Variants in UBR2 observed in about 807,000 individuals in gnomAD.
The protein encoded by UBR2 is E3 ubiquitin-protein ligase UBR2.
A neutral mutation model predicts 247.9 loss-of-function variants in UBR2; 92 were observed. That is an observed-to-expected ratio of 0.37 (90% CI 0.31 to 0.44). UBR2 has a LOEUF of 0.44. Among genes scored for constraint, UBR2 ranks in the 20% least tolerant of loss-of-function variants. The probability of loss-of-function intolerance (pLI) is 1.00; values close to 1 mark genes in which losing one functional copy is unlikely to be tolerated. For synonymous variants in UBR2, 672 were observed against 693.5 expected (o/e 0.97, Z 0.49); for missense variants, 1,613 against 2,112.6 (o/e 0.76, Z 4.64).
At chr6:42,653,953 C>T (rs1797279600) in intron 25 of UBR2, among the ~76,000 whole-genome samples, 1 of 152,050 alleles carries the variant, frequency 6.6e-6, no homozygotes, top group Non-Finnish European at 1.5e-5. Flanking sequence ...TTGTAATCCT[C>T]AGAACTCTAG....
At chr6:42,614,092 G>C (rs1207453756) in intron 8 of UBR2, among the ~76,000 whole-genome samples, 2 of 148,174 alleles carry the variant, frequency 1.3e-5, no homozygotes, top group African/African-American at 5.0e-5. Flanking sequence ...CACAGGAATT[G>C]CGTGAACCCA....
chr6:42,618,791 G>T (rs369068314), intron 11 of UBR2, among the ~76,000 whole-genome samples: 2 of 152,208 alleles, frequency 1.3e-5, no homozygotes, highest in Non-Finnish European at 2.9e-5. Context: ...AATCATGGGG[G>T]ATATTTTTAG....
At chr6:42,609,496 C>T (rs1359560487) in intron 7 of UBR2, among the ~76,000 whole-genome samples, 1 of 151,608 alleles carries the variant, frequency 6.6e-6, no homozygotes, top group Non-Finnish European at 1.5e-5. Context: ...AGACCATATA[C>T]AAAAACTTAC....
chr6:42,647,215 C>A (rs958784232), intron 21 of UBR2, among the ~76,000 whole-genome samples: 2 of 151,910 alleles, frequency 1.3e-5, no homozygotes, highest in African/African-American at 4.8e-5. Flanking sequence ...CCAAGTTGTT[C>A]AATTAGGAAG....
chr6:42,587,251 G>A (rs1338795487), intron 2 of UBR2, among the ~76,000 whole-genome samples: 3 of 152,090 alleles, frequency 2.0e-5, no homozygotes, highest in Admixed American at 2.0e-4. Context: ...CTTGCTCCCA[G>A]GGATCTTCAT....
chr6:42,620,036 T>C (rs1582557883), intron 11 of UBR2: 1 of 942,134 alleles, frequency 1.1e-6, no homozygotes, highest in Non-Finnish European at 1.3e-6. Context: ...GTCCATCTTA[T>C]ATCTGTCTGG....
In UBR2 at chr6:42,617,434, A is replaced by T. The variant is rs776024493; in HGVS notation, c.1208A>T (p.Tyr403Phe). 1.1e-4 allele frequency: 171 copies of T among 1,581,254 alleles called. No homozygotes were observed. Among genetic ancestry groups the T allele is most frequent in the Admixed American group, 7.2e-4 (39 of 53,916 alleles). Residue 403 changes from tyrosine to phenylalanine, a missense_variant, in exon 11 of 47, where the codon TAT (tyrosine) becomes TTT (phenylalanine). Around this residue, in one of 3 missense-constraint regions of UBR2, gnomAD observed 1,524 missense variants for 1,967.3 expected, o/e 0.77. Transcript: ENST00000372901. ...AKNYERLQSD[Y>F]VTDDHDREFS... ...AACTATGAGCGTTTGCAGAGTGATT[A>T]TGTGACAGATGACCACGACAGAGAG...
At chr6:42,604,623 A>C (rs1346688040) in intron 5 of UBR2, among the ~76,000 whole-genome samples, 1 of 152,042 alleles carries the variant, frequency 6.6e-6, no homozygotes, top group Admixed American at 6.6e-5. Flanking sequence ...TGCCGTGTAC[A>C]CTCTTGCCCC....
At chr6:42,678,234 G>C (rs1056319142) in intron 40 of UBR2, among the ~76,000 whole-genome samples, 2 of 152,236 alleles carry the variant, frequency 1.3e-5, no homozygotes, top group African/African-American at 4.8e-5. Context: ...TACTCAGGAG[G>C]CTGAGGCAGG....
chr6:42,642,315 C>T (rs2151958938), intron 17 of UBR2, 101 bp from the exon 18 acceptor site: 1 of 743,096 alleles, frequency 1.3e-6, no homozygotes, highest in South Asian at 1.6e-5. Flanking sequence ...ACATCACACA[C>T]ATGCACACAT....
At chr6:42,594,427 C>T (rs936387277) in intron 4 of UBR2, 123 bp downstream of exon 4, 4 of 710,916 alleles carry the variant, frequency 5.6e-6, no homozygotes, top group Non-Finnish European at 9.1e-6. Flanking sequence ...GACTAGTTTA[C>T]TTTGAAAGTT....
At chr6:42,660,871 G>A (rs537380574) in intron 30 of UBR2, among the ~76,000 whole-genome samples, 1 of 151,936 alleles carries the variant, frequency 6.6e-6, no homozygotes, top group East Asian at 1.9e-4. Context: ...AGAGGCTGAG[G>A]CATGAGAATT....
intron 7 of UBR2, among the ~76,000 whole-genome samples, chr6:42,610,080 G>A (rs1053427516): frequency 5.9e-5 from 9 of 152,142 alleles, no homozygotes; most frequent in South Asian, 2.1e-4. Flanking sequence ...TGGAGGCTGA[G>A]GCAGGAGGAT....
rs902482635 is a variant in UBR2, at chr6:42,689,010, A to G, written c.5025-559A>G. On this transcript the variant is annotated intron_variant, in intron 45 of 46. Coordinates refer to ENST00000372901, the MANE Select transcript of UBR2 (RefSeq NM_001363705.2). This position sits in a 1 kb window ranked among gnomAD's most constrained non-coding sequence, Gnocchi z 4.0. ...AGTAGATCAGGGAAGGCTTCCTAAGAACATGACTTCTGAGTAAAGACCTAA... is the reference window on the plus strand; with the variant it reads ...AGTAGATCAGGGAAGGCTTCCTAAGGACATGACTTCTGAGTAAAGACCTAA... Among the ~76,000 whole-genome samples the G allele has an allele frequency of 1.3e-5, 2 of 152,238 alleles. No individual in the cohort carries two copies. The highest frequency in any genetic ancestry group is 2.9e-5 in the Non-Finnish European group (2 of 68,036).
chr6:42,609,940 A>T (rs895038958), intron 7 of UBR2, among the ~76,000 whole-genome samples: 2 of 151,826 alleles, frequency 1.3e-5, no homozygotes, highest in African/African-American at 4.8e-5. Flanking sequence ...ATTTGAATAG[A>T]CATTTCTCTG....
chr6:42,590,542 T>C (rs902846581), intron 2 of UBR2, among the ~76,000 whole-genome samples: 2 of 152,090 alleles, frequency 1.3e-5, no homozygotes, highest in East Asian at 1.9e-4. Context: ...GCAAATAATA[T>C]GTTACAAAAG....
At chr6:42,671,807 T>C (rs73424440) in intron 36 of UBR2, among the ~76,000 whole-genome samples, 2,422 of 152,236 alleles carry the variant, frequency 0.016, 58 homozygotes, top group African/African-American at 0.055. Context: ...CATCTAATAC[T>C]CTTCCCTGGT....
Position 42,617,508 on chromosome 6 carries a change from G to A in UBR2, c.1281+1G>A. Reference sequence around the variant, plus strand: ...TCAGATATTCACGGTTCCTTCACTTGTAAGTACTGAAAGACTAGAAGAACT... The same window carrying A: ...TCAGATATTCACGGTTCCTTCACTTATAAGTACTGAAAGACTAGAAGAACT... On this transcript the variant is annotated splice_donor_variant, in intron 11 of 46. Coordinates refer to ENST00000372901, the MANE Select transcript of UBR2 (RefSeq NM_001363705.2). LOFTEE classifies it high-confidence loss of function. The A allele has an allele frequency of 6.4e-7, 1 of 1,550,916 alleles. No homozygotes were observed. Among genetic ancestry groups the A allele is most frequent in the Non-Finnish European group, 8.7e-7 (1 of 1,146,898 alleles).
chr6:42,688,236 A>G lies in UBR2; in HGVS notation c.4874A>G (p.Asp1625Gly). 6.2e-7 allele frequency: 1 copy of G among 1,614,168 alleles called. No individual in the cohort carries two copies. The highest frequency in any genetic ancestry group is 8.5e-7 in the Non-Finnish European group (1 of 1,180,038). ...TGGAGGTGCCCGAAATCAGGTGGTGATAAGAGCAGAGCCCCAACTCTGTGC... is the reference window on the plus strand; with the variant it reads ...TGGAGGTGCCCGAAATCAGGTGGTGGTAAGAGCAGAGCCCCAACTCTGTGC... ...SNFSCPKSGG[D>G]KSRAPTLCLV... Residue 1625 changes from aspartate to glycine, a missense_variant, in exon 45 of 47, where the codon GAT becomes GGT. Physicochemically the swap from Asp to Gly is moderately conservative, Grantham distance 94 (BLOSUM62 -1). Around this residue, in one of 3 missense-constraint regions of UBR2, gnomAD observed 1,524 missense variants for 1,967.3 expected, o/e 0.77. Coordinates refer to ENST00000372901, the MANE Select transcript of UBR2 (RefSeq NM_001363705.2).
Sources: gnomAD v4.1 joint callset for allele counts (sites outside exome capture counted in the v4.1 genomes callset) on GRCh38, gnomAD v4.1.1 for gene constraint, gnomAD v4.1.1 regional missense constraint, Gnocchi (gnomAD v3.1) non-coding constraint, MANE v1.5 for transcripts, NCBI Gene and HGNC (gene_info 2026-07-23, HGNC 2026-07-21) for gene names.